The following WASHC2C variants were observed in gnomAD, a reference collection of about 807,000 sequenced individuals.
The protein encoded by WASHC2C is WASH complex subunit 2C, also known as Vaccinia Penetration Factor.
Under a neutral mutation model 142.2 loss-of-function variants are expected in WASHC2C, and 73 were observed. The observed-to-expected ratio is 0.51, with a 90% CI of 0.43 to 0.62. The LOEUF (loss-of-function observed/expected upper bound fraction) is 0.62, where lower values mean the gene tolerates loss of function less well. WASHC2C is among the 20% of genes least tolerant of loss of function. WASHC2C has a pLI of 0.00. For missense variants in WASHC2C, 969 were observed against 1,531.7 expected (o/e 0.63, Z 6.13); for synonymous variants, 337 against 565.5 (o/e 0.60, Z 5.73).
intron 3 of WASHC2C, among the ~76,000 whole-genome samples, chr10:45,730,784 TA>T (rs2050476480): frequency 6.6e-6 from 1 of 151,934 alleles, no homozygotes; most frequent in South Asian, 2.1e-4. Context: ...CACGCCTGGC[TA>T]ATTTTTTGTA....
chr10:45,739,546 G>A lies in WASHC2C; in HGVS notation c.355-527G>A, dbSNP rs1398702454. ...TTGTAGGGTATACACAGAATAGACC[G>A]GAGATGAAAATGACCCCCTTTTGAT... is the stretch of plus-strand genomic sequence containing the variant. On this transcript the variant is annotated intron_variant, in intron 4 of 30. Transcript: ENST00000623400. Among the ~76,000 whole-genome samples the A allele has an allele frequency of 1.1e-4, 17 of 151,884 alleles. 1 individual carries two copies. Among genetic ancestry groups the A allele is most frequent in the South Asian group, 4.2e-4 (2 of 4,808 alleles).
chr10:45,739,083 G>C (rs1397297371), intron 4 of WASHC2C, among the ~76,000 whole-genome samples: 1 of 151,252 alleles, frequency 6.6e-6, no homozygotes, highest in African/African-American at 2.4e-5. Context: ...ACCAATTCAG[G>C]GTTTAATTTG....
Position 45,755,117 on chromosome 10 carries a change from T to C in WASHC2C, c.1420+2T>C. The C allele has an allele frequency of 6.2e-7, 1 of 1,603,440 alleles. No individual in the cohort carries two copies. Among genetic ancestry groups the C allele is most frequent in the East Asian group, 2.2e-5 (1 of 44,574 alleles). ...CCCACAGCAAACCTTCTAAAACACG[T>C]ATGTGTTCCTGCCTCCGTTTCTAGG... On this transcript the variant is annotated splice_donor_variant, in intron 15 of 30. Coordinates refer to ENST00000623400, the MANE Select transcript of WASHC2C (RefSeq NM_001330074.2). LOFTEE classifies it high-confidence loss of function.
At chr10:45,742,298 T>C (rs2134311916) in intron 5 of WASHC2C, among the ~76,000 whole-genome samples, 1 of 152,370 alleles carries the variant, frequency 6.6e-6, no homozygotes, top group East Asian at 1.9e-4. Context: ...TTTATTGAGT[T>C]ATAATCTTTT....
chr10:45,764,632 G>T (rs1258091091), intron 18 of WASHC2C, among the ~76,000 whole-genome samples: 2 of 152,018 alleles, frequency 1.3e-5, no homozygotes, highest in Non-Finnish European at 2.9e-5. Flanking sequence ...ACTGGGCGGT[G>T]GTGAGCTCAA....
At chr10:45,762,988 G>T (rs2055323456) in intron 17 of WASHC2C, among the ~76,000 whole-genome samples, 1 of 151,202 alleles carries the variant, frequency 6.6e-6, no homozygotes, top group East Asian at 1.9e-4. Context: ...ATTAATTTGG[G>T]AATCTAGCCC....
At chr10:45,741,789 C>T (rs1393487345) in intron 5 of WASHC2C, among the ~76,000 whole-genome samples, 1 of 145,948 alleles carries the variant, frequency 6.9e-6, no homozygotes, top group East Asian at 2.0e-4. Flanking sequence ...GGAGCACTTT[C>T]TTGACCCTAT....
At chr10:45,727,256 G>A, upstream of WASHC2C, 1 of 1,535,934 alleles carries the variant, frequency 6.5e-7, no homozygotes, top group South Asian at 1.2e-5. Flanking sequence ...CTAGGCTTCC[G>A]GGGCTCTGCG....
chr10:45,736,107 TAAA>T (rs113659681), intron 3 of WASHC2C, among the ~76,000 whole-genome samples: 1 of 139,824 alleles, frequency 7.2e-6, no homozygotes, highest in Non-Finnish European at 1.6e-5. Flanking sequence ...CCATCTCTAC[TAAA>T]AAAAAAAAAA....
intron 26 of WASHC2C, chr10:45,786,379 T>C: frequency 1.6e-6 from 1 of 620,272 alleles, no homozygotes. Context: ...TCATCTTGTA[T>C]TCCTTGACTC....
intron 8 of WASHC2C, among the ~76,000 whole-genome samples, chr10:45,747,381 T>TAATC (rs2052967284): frequency 6.6e-6 from 1 of 152,056 alleles, no homozygotes; most frequent in Non-Finnish European, 1.5e-5. Flanking sequence ...TGACCTCAGG[T>TAATC]AATCCACCCA....
chr10:45,727,431 C>T lies in WASHC2C; in HGVS notation c.18C>T (p.Thr6=). Residue 6 remains threonine, a synonymous_variant, in exon 2 of 31, where the codon ACC becomes ACT. Transcript: ENST00000623400. ...TTTCGCTGCAGATGAACCGGACGAC[C>T]CCCGACCAGGAGCTGGTGCCGGCGT... The part of the protein sequence containing the change: MMNRT[T]PDQELVPASE... 6.2e-7 allele frequency: 1 copy of T among 1,611,490 alleles called. No individual in the cohort carries two copies. The highest frequency in any genetic ancestry group is 8.5e-7 in the Non-Finnish European group (1 of 1,179,476).
At chr10:45,748,283 CTTTTTTTTTTTTT>C (rs1160119861) in intron 8 of WASHC2C, among the ~76,000 whole-genome samples, 2 of 57,168 alleles carry the variant, frequency 3.5e-5, no homozygotes, top group African/African-American at 7.9e-5. Context: ...TTTTTCTTTC[CTTTTTTTTTTTTT>C]TTTTTTTTTT....
chr10:45,752,416 G>C (rs2053715548), intron 11 of WASHC2C, among the ~76,000 whole-genome samples, 172 bp from the exon 12 acceptor site: 1 of 152,288 alleles, frequency 6.6e-6, no homozygotes, highest in East Asian at 1.9e-4. Flanking sequence ...GAGGGTGTCA[G>C]TGGACTGTGC....
intron 29 of WASHC2C, among the ~76,000 whole-genome samples, chr10:45,789,830 G>C (rs1274771689): frequency 3.7e-4 from 54 of 147,366 alleles, no homozygotes; most frequent in Non-Finnish European, 3.7e-4. Context: ...CACTGGTCCA[G>C]CTTGGGAGTT....
intron 20 of WASHC2C, chr10:45,771,465 A>G (rs1421300210): frequency 1.0e-6 from 1 of 984,662 alleles, no homozygotes; most frequent in African/African-American, 1.8e-5. Flanking sequence ...TTCATACCCC[A>G]ACACCCTCAG....
chr10:45,782,232 TG>T (rs2057559049), intron 23 of WASHC2C, among the ~76,000 whole-genome samples: 2 of 152,240 alleles, frequency 1.3e-5, no homozygotes, highest in African/African-American at 4.8e-5. Context: ...AAGGCTGTAG[TG>T]GGCTGTGATC....
chr10:45,749,075 C>G (rs1432832422), intron 8 of WASHC2C, among the ~76,000 whole-genome samples: 3 of 152,142 alleles, frequency 2.0e-5, no homozygotes, highest in Admixed American at 2.0e-4. Flanking sequence ...AACTATTACT[C>G]AGTATTCTTA....
intron 23 of WASHC2C, among the ~76,000 whole-genome samples, chr10:45,779,845 C>T (rs1446886454): frequency 2.0e-5 from 3 of 152,136 alleles, no homozygotes; most frequent in Non-Finnish European, 2.9e-5. Flanking sequence ...AATAGCTTGG[C>T]GTGATGACGC....
Sources: allele counts gnomAD v4.1 joint callset (sites outside exome capture counted in the v4.1 genomes callset), GRCh38; gene constraint gnomAD v4.1.1; transcripts MANE v1.5; gene names NCBI Gene and HGNC (gene_info 2026-07-23, HGNC 2026-07-21).